Variants in HSD11B1L observed in about 807,000 individuals in gnomAD.
HSD11B1L encodes hydroxysteroid 11-beta-dehydrogenase 1-like protein.
A neutral mutation model predicts 27.0 loss-of-function variants in HSD11B1L; 22 were observed. The observed-to-expected ratio is 0.81, with a 90% CI of 0.58 to 1.16. The LOEUF is 1.16. HSD11B1L is among the 50% of genes most tolerant of loss of function. The pLI is 0.00. For missense variants in HSD11B1L, 372 were observed against 401.8 expected (o/e 0.93, Z 0.63); for synonymous variants, 187 against 189.2 (o/e 0.99, Z 0.09).
chr19:5,686,340 T>C, intron 3 of HSD11B1L, 76 bp from the exon 4 acceptor site: 12 of 1,025,042 alleles, frequency 1.2e-5, no homozygotes, highest in Non-Finnish European at 1.7e-5. Context: ...GGGGCCTCCC[T>C]ATGGCCAGCA....
At position 5,688,445 on chromosome 19, in the gene HSD11B1L, CG is replaced by C; in HGVS notation, c.*503del. On this transcript the variant is annotated 3_prime_UTR_variant, in exon 8 of 8. Transcript: ENST00000339423. ...CGTCTACCTGGTGGCAGGGTCTGAG[CG>C]GGAGGAGGAGGGAAAGAGTGTGTTC... 1.9e-6 allele frequency: 1 copy of C among 529,442 alleles called. No homozygotes were observed. The highest frequency in any genetic ancestry group is 3.3e-6 in the Non-Finnish European group (1 of 298,686). 32.8% of individuals were successfully genotyped at this position (529,442 alleles called of 1,614,324 possible). A position where few individuals can be genotyped will look rare whatever the true frequency, so the allele number is the denominator to read the frequency against.
intron 1 of HSD11B1L, among the ~76,000 whole-genome samples, chr19:5,683,388 G>A (rs192486790): frequency 6.6e-6 from 1 of 152,168 alleles, no homozygotes; most frequent in Non-Finnish European, 1.5e-5. Context: ...TCCAGAGAGC[G>A]AGCTGTCTCT....
At position 5,687,096 on chromosome 19, in the gene HSD11B1L, C is replaced by T. The variant is rs1353514275; in HGVS notation, c.408+105C>T. The T allele has an allele frequency of 6.8e-6, 8 of 1,168,402 alleles. No homozygotes were observed. Among genetic ancestry groups the T allele is most frequent in the Non-Finnish European group, 7.3e-6 (6 of 826,918 alleles). The allele number at this position is 1,168,402 out of a possible 1,614,324, so 72.4% of individuals were successfully genotyped here. The stretch of plus-strand genomic sequence containing the variant: ...GCCTTCTCCAGGGAGGGCTCTCCAC[C>T]CGTCCCGCCCCAGCCACGCCCCTCC... On this transcript the variant is annotated intron_variant, in intron 5 of 7. Transcript: ENST00000339423. This position sits in a 1 kb window ranked among gnomAD's most constrained non-coding sequence, Gnocchi z 6.6.
chr19:5,685,416 G>C lies in HSD11B1L; in HGVS notation c.204+297G>C. The stretch of plus-strand genomic sequence containing the variant: ...CATGGCGAAACCTGGTCTCTACTAA[G>C]AAGACAAAAATTAGGCCAGGCATGG... On this transcript the variant is annotated intron_variant, in intron 3 of 7. Coordinates refer to ENST00000339423, the MANE Select transcript of HSD11B1L (RefSeq NM_198706.3). The surrounding 1 kb of genome is among the most constrained non-coding windows in gnomAD (Gnocchi z 4.3). 2.1e-6 allele frequency: 1 copy of C among 485,640 alleles called. No homozygotes were observed. Among genetic ancestry groups the C allele is most frequent in the East Asian group, 4.9e-5 (1 of 20,466 alleles). The allele number at this position is 485,640 out of a possible 1,614,324, so 30.1% of individuals were successfully genotyped here. A position where few individuals can be genotyped will look rare whatever the true frequency, so the allele number is the denominator to read the frequency against.
intron 4 of HSD11B1L, among the ~76,000 whole-genome samples, 186 bp downstream of exon 4, chr19:5,686,713 T>C (rs948437513): frequency 3.3e-5 from 5 of 152,256 alleles, no homozygotes; most frequent in African/African-American, 4.8e-5. Context: ...CGGGGCCTCG[T>C]TGAATGGGAA....
At chr19:5,686,818 T>A in intron 4 of HSD11B1L, 82 bp from the exon 5 acceptor site, 2 of 1,192,468 alleles carry the variant, frequency 1.7e-6, no homozygotes, top group South Asian at 3.0e-5. Context: ...ACCAGCGCTC[T>A]GGGTGGAGCT....
At position 5,685,057 on chromosome 19, in the gene HSD11B1L, C is replaced by G; in HGVS notation, c.142C>G (p.His48Asp). 6.4e-7 allele frequency: 1 copy of G among 1,558,872 alleles called. No homozygotes were observed. The highest frequency in any genetic ancestry group is 8.7e-7 in the Non-Finnish European group (1 of 1,151,242). Residue 48 changes from histidine (H) to aspartate (D), a missense_variant, in exon 3 of 8, where the codon CAC becomes GAC. Physicochemically the swap from His to Asp is moderately conservative, Grantham distance 81 (BLOSUM62 -1). Coordinates refer to ENST00000339423, the MANE Select transcript of HSD11B1L (RefSeq NM_198706.3). This position sits in a 1 kb window ranked among gnomAD's most constrained non-coding sequence, Gnocchi z 4.3. Reference sequence around the variant, plus strand: ...TGGTGTTGGTGAGGAGCTGGCCTATCACTACGCGCGTCTGGGCTCCCACCT... The same window carrying G: ...TGGTGTTGGTGAGGAGCTGGCCTATGACTACGCGCGTCTGGGCTCCCACCT... ...NAGVGEELAY[H>D]YARLGSHLVL...
chr19:5,687,496 C>A lies in HSD11B1L; in HGVS notation c.503-7C>A. 1 of 1,590,066 alleles carries A rather than the reference C, an allele frequency of 6.3e-7. No individual in the cohort carries two copies. The highest frequency in any genetic ancestry group is 8.5e-7 in the Non-Finnish European group (1 of 1,173,000). ...AGCCACTCAGCCGCTGCCGTCCGCG[C>A]CCCCAGGCCGCGTGCCCACGTCGTT... On this transcript the variant is annotated splice_region_variant and splice_polypyrimidine_tract_variant and intron_variant, in intron 6 of 7. Coordinates refer to ENST00000339423, the MANE Select transcript of HSD11B1L (RefSeq NM_198706.3). The surrounding 1 kb of genome is among the most constrained non-coding windows in gnomAD (Gnocchi z 6.6).
chr19:5,687,364 C>A lies in HSD11B1L; in HGVS notation c.491C>A (p.Ser164Tyr). 6.2e-7 allele frequency: 1 copy of A among 1,612,296 alleles called. No homozygotes were observed. The highest frequency in any genetic ancestry group is 8.5e-7 in the Non-Finnish European group (1 of 1,179,700). ...AGCAAGGGCTCCCTGGTGGTGGTGTCCTCGCTGCTCGGTGCGTGCACCCGG... is the reference window on the plus strand; with the variant it reads ...AGCAAGGGCTCCCTGGTGGTGGTGTACTCGCTGCTCGGTGCGTGCACCCGG... ...TDSKGSLVVV[S>Y]SLLGRVPTSF... Residue 164 changes from serine to tyrosine, a missense_variant, in exon 6 of 8, where the codon TCC becomes TAC. By Grantham distance (144) the Ser-to-Tyr change is moderately radical (BLOSUM62 -2). Coordinates refer to ENST00000339423, the MANE Select transcript of HSD11B1L (RefSeq NM_198706.3). The surrounding 1 kb of genome is among the most constrained non-coding windows in gnomAD (Gnocchi z 6.6).
chr19:5,688,187 C>T lies in HSD11B1L; in HGVS notation c.*242C>T, dbSNP rs1325187759. The T allele has an allele frequency of 8.4e-6, 13 of 1,548,522 alleles. No homozygotes were observed. Among genetic ancestry groups the T allele is most frequent in the African/African-American group, 1.4e-5 (1 of 72,842 alleles). On this transcript the variant is annotated 3_prime_UTR_variant, in exon 8 of 8. Coordinates refer to ENST00000339423, the MANE Select transcript of HSD11B1L (RefSeq NM_198706.3). ...ACTTGCAAGGCCTCACCTGTTTGGCCATGATTGATGACGTGACTGCTTCCA... is the reference window on the plus strand; with the variant it reads ...ACTTGCAAGGCCTCACCTGTTTGGCTATGATTGATGACGTGACTGCTTCCA...
rs770459446 is a variant in HSD11B1L, at chr19:5,687,552, G to T, written c.552G>T (p.Ala184=). The T allele has an allele frequency of 3.8e-6, 6 of 1,599,906 alleles. No individual in the cohort carries two copies. The highest frequency in any genetic ancestry group is 4.2e-6 in the Non-Finnish European group (5 of 1,179,502). ...CTCCCTACTCGGCGGCCAAGTTTGC[G>T]CTGGACGGCTTCTTCGGCTCCCTGC... The part of the protein sequence containing the change: ...FSTPYSAAKF[A]LDGFFGSLRR... The change falls in exon 7 of 8, where the codon GCG becomes GCT. Residue 184 remains alanine (A), a synonymous_variant. Transcript: ENST00000339423. The surrounding 1 kb of genome is among the most constrained non-coding windows in gnomAD (Gnocchi z 6.6).
Position 5,688,286 on chromosome 19 carries a change from C to A in HSD11B1L, c.*341C>A. ...GCCACCCATGGACCCCTCTCCATCTCCTGCCTGCGCCTTTAAGTCCCTGAT... is the reference window on the plus strand; with the variant it reads ...GCCACCCATGGACCCCTCTCCATCTACTGCCTGCGCCTTTAAGTCCCTGAT... On this transcript the variant is annotated 3_prime_UTR_variant, in exon 8 of 8. Transcript: ENST00000339423. 1 of 1,044,142 alleles carries A rather than the reference C, an allele frequency of 9.6e-7. No individual in the cohort carries two copies. The highest frequency in any genetic ancestry group is 1.6e-5 in the South Asian group (1 of 61,624). 64.7% of individuals were successfully genotyped at this position (1,044,142 alleles called of 1,614,324 possible).
chr19:5,687,173 G>A lies in HSD11B1L; in HGVS notation c.409-109G>A. 1 of 1,308,686 alleles carries A rather than the reference G, an allele frequency of 7.6e-7. No homozygotes were observed. The highest frequency in any genetic ancestry group is 1.1e-6 in the Non-Finnish European group (1 of 946,662). The allele number at this position is 1,308,686 out of a possible 1,614,324, so 81.1% of individuals were successfully genotyped here. ...ACCCCGCCCTCGGACCCGCCTTCCG[G>A]GTTTCTGGCCCCGTCTCTGACCCGG... On this transcript the variant is annotated intron_variant, in intron 5 of 7. Transcript: ENST00000339423. The surrounding 1 kb of genome is among the most constrained non-coding windows in gnomAD (Gnocchi z 6.6).
rs200224121 is a variant in HSD11B1L, at chr19:5,687,420, C to T, written c.502+45C>T. 3.7e-6 allele frequency: 6 copies of T among 1,603,752 alleles called. No homozygotes were observed. In the Admixed American group the frequency reaches 5.0e-5, roughly 13 times the overall value. On this transcript the variant is annotated intron_variant, in intron 6 of 7. Coordinates refer to ENST00000339423, the MANE Select transcript of HSD11B1L (RefSeq NM_198706.3). The surrounding 1 kb of genome is among the most constrained non-coding windows in gnomAD (Gnocchi z 6.6). ...GCTCTGCGGGACGGGGAGTGGGGAG[C>T]TCGATGCGGGTGAGCCTGGAGGGTC... is the stretch of plus-strand genomic sequence containing the variant.
intron 1 of HSD11B1L, chr19:5,684,171 G>A (rs779465405): frequency 3.6e-5 from 14 of 389,926 alleles, no homozygotes; most frequent in African/African-American, 1.2e-4. Flanking sequence ...GCCTGCCACC[G>A]CGCCCGGCTA....
At position 5,687,038 on chromosome 19, in the gene HSD11B1L, C is replaced by A; in HGVS notation, c.408+47C>A. On this transcript the variant is annotated intron_variant, in intron 5 of 7. Coordinates refer to ENST00000339423, the MANE Select transcript of HSD11B1L (RefSeq NM_198706.3). The surrounding 1 kb of genome is among the most constrained non-coding windows in gnomAD (Gnocchi z 6.6). ...CCGGCCCGCCCCTCTATCTCAGGGA[C>A]CGGTGGTCCGTTCCCTTCGCGGTCC... 1 of 1,466,516 alleles carries A rather than the reference C, an allele frequency of 6.8e-7. No individual in the cohort carries two copies. The highest frequency in any genetic ancestry group is 1.2e-5 in the South Asian group (1 of 82,002). 90.8% of individuals were successfully genotyped at this position (1,466,516 alleles called of 1,614,324 possible). A position where few individuals can be genotyped will look rare whatever the true frequency, so the allele number is the denominator to read the frequency against.
chr19:5,682,806 T>C lies in HSD11B1L; in HGVS notation c.-15+1535T>C, dbSNP rs530297853. ...TGGAAGTCCCCTTCCCCTTGTCCCA[T>C]TGACTTTTTTTTTTTTTTTTTTTTT... On this transcript the variant is annotated intron_variant, in intron 1 of 7. Coordinates refer to ENST00000339423, the MANE Select transcript of HSD11B1L (RefSeq NM_198706.3). Among the ~76,000 whole-genome samples, 47 of 147,712 alleles carry C rather than the reference T, an allele frequency of 3.2e-4. No homozygotes were observed. The South Asian group carries it at 5.3e-3, about 17-fold the overall frequency.
rs1212588695 is a variant in HSD11B1L at position 5,688,114 on chromosome 19, C to T, written c.*169C>T. 2 of 1,551,312 alleles carry T rather than the reference C, an allele frequency of 1.3e-6. No homozygotes were observed. Among genetic ancestry groups the T allele is most frequent in the Non-Finnish European group, 1.7e-6 (2 of 1,146,994 alleles). On this transcript the variant is annotated 3_prime_UTR_variant, in exon 8 of 8. Coordinates refer to ENST00000339423, the MANE Select transcript of HSD11B1L (RefSeq NM_198706.3). ...AAAACGACGGGCACCTGGAACCAGT[C>T]ACGGCTTGGGAGGTGCAGGTGCCCC...
Position 5,687,950 on chromosome 19 carries a change from C to T in HSD11B1L, c.*5C>T, listed in dbSNP as rs1020004431. On this transcript the variant is annotated 3_prime_UTR_variant, in exon 8 of 8. Transcript: ENST00000339423. The surrounding 1 kb of genome is among the most constrained non-coding windows in gnomAD (Gnocchi z 6.6). The stretch of plus-strand genomic sequence containing the variant: ...GTCACGGCCGCGGCAGCCTGAGCAC[C>T]GGGGGGTGCCCCTCCAGTCCCAGAC... 1 of 1,558,906 alleles carries T rather than the reference C, an allele frequency of 6.4e-7. No homozygotes were observed. The highest frequency in any genetic ancestry group is 2.4e-5 in the East Asian group (1 of 41,350).
Sources: gnomAD v4.1 joint callset for allele counts (sites outside exome capture counted in the v4.1 genomes callset) on GRCh38, gnomAD v4.1.1 for gene constraint, Gnocchi (gnomAD v3.1) non-coding constraint, MANE v1.5 for transcripts, NCBI Gene and HGNC (gene_info 2026-07-23, HGNC 2026-07-21) for gene names.